IFI16: variants seen among roughly 807,000 people sequenced by gnomAD.
IFI16 encodes gamma-interferon-inducible protein 16.
In IFI16, 49 loss-of-function variants were observed where a neutral mutation model predicts 68.4. That is an observed-to-expected ratio of 0.72 (90% CI 0.57 to 0.91). The LOEUF (loss-of-function observed/expected upper bound fraction) is 0.91, where lower values mean the gene tolerates loss of function less well. Among genes scored for constraint, IFI16 ranks in the 40% least tolerant of loss-of-function variants. The probability of loss-of-function intolerance (pLI) is 0.00; values close to 1 mark genes in which losing one functional copy is unlikely to be tolerated. For synonymous variants in IFI16, 307 were observed against 315.0 expected (o/e 0.97, Z 0.27); for missense variants, 878 against 942.9 (o/e 0.93, Z 0.90).
At chr1:159,037,441 A>G (rs1407825335) in intron 7 of IFI16, among the ~76,000 whole-genome samples, 6 of 152,194 alleles carry the variant, frequency 3.9e-5, no homozygotes, top group Non-Finnish European at 7.3e-5. Context: ...TGTATATGAT[A>G]TGCGTTCATT....
upstream of IFI16, among the ~76,000 whole-genome samples, chr1:159,003,912 A>G (rs568487895): frequency 1.8e-3 from 276 of 152,202 alleles, 1 homozygote; most frequent in African/African-American, 6.3e-3. Context: ...CGCCCGCCTC[A>G]GCCTCCCAAA....
intron 3 of IFI16, 132 bp from the exon 4 acceptor site, chr1:159,016,401 G>A (rs776513299): frequency 8.0e-6 from 6 of 749,610 alleles, no homozygotes; most frequent in South Asian, 1.9e-5. Flanking sequence ...ACTGGCGAGA[G>A]ATGGGCAGCA....
At chr1:159,000,309 C>T (rs1652008886) in exon 1 of IFI16, 1 of 244,520 alleles carries the variant, frequency 4.1e-6, no homozygotes, top group African/African-American at 2.3e-5. Context: ...TATTTACTCT[C>T]CATCTCACGA....
chr1:159,049,321 A>G, intron 8 of IFI16, 111 bp from the exon 9 acceptor site: 1 of 606,896 alleles, frequency 1.6e-6, no homozygotes. Context: ...AAAACAGAGA[A>G]ACTGGCAAAG....
At chr1:159,029,107 G>T (rs1052027738) in intron 6 of IFI16, among the ~76,000 whole-genome samples, 3 of 152,094 alleles carry the variant, frequency 2.0e-5, no homozygotes, top group African/African-American at 7.2e-5. Flanking sequence ...TGCTTTAAAT[G>T]TTTTATGTTC....
chr1:159,003,282 C>T (rs986766317), upstream of IFI16, among the ~76,000 whole-genome samples: 30 of 152,100 alleles, frequency 2.0e-4, no homozygotes, highest in African/African-American at 7.2e-4. Flanking sequence ...AATGTTTCTG[C>T]TATTAGTTAT....
chr1:159,050,185 C>G (rs1316569204), intron 9 of IFI16, among the ~76,000 whole-genome samples: 1 of 152,158 alleles, frequency 6.6e-6, no homozygotes, highest in African/African-American at 2.4e-5. Context: ...AACTGCCATG[C>G]AATCATACAA....
intron 7 of IFI16, among the ~76,000 whole-genome samples, chr1:159,041,739 T>G (rs1182066707): frequency 6.6e-6 from 1 of 152,190 alleles, no homozygotes; most frequent in Non-Finnish European, 1.5e-5. Context: ...CCTGGTCCTG[T>G]GTAGGCTGAA....
upstream of IFI16, among the ~76,000 whole-genome samples, chr1:159,003,227 G>A (rs551908970): frequency 2.9e-4 from 44 of 152,290 alleles, no homozygotes; most frequent in African/African-American, 1.0e-3. Context: ...TTGAATTTGT[G>A]TGAACTTTCA....
Position 159,032,074 on chromosome 1 carries a change from G to A in IFI16, c.1162-450G>A, listed in dbSNP as rs1571865427. 6.6e-5 allele frequency among the ~76,000 whole-genome samples: 10 copies of A among 152,238 alleles called. No homozygotes were observed. The South Asian group carries it at 1.9e-3, about 28-fold the overall frequency. On this transcript the variant is annotated intron_variant, in intron 6 of 11. Transcript: ENST00000295809. ...CATTATGGGAAATCAATGTGCAATA[G>A]GTCCTATTGCTCTTAGCAAGATAAA...
In IFI16 at chr1:159,018,624, T is replaced by C. The variant is rs1653097324; in HGVS notation, c.945T>C (p.Ile315=). The C allele has an allele frequency of 6.2e-7, 1 of 1,612,568 alleles. No homozygotes were observed. The highest frequency in any genetic ancestry group is 8.5e-7 in the Non-Finnish European group (1 of 1,179,180). Residue 315 remains isoleucine, a synonymous_variant, in exon 5 of 12, where the codon ATT becomes ATC. Transcript: ENST00000295809. The part of the protein sequence containing the change: ...DILHKQASGN[I]VYGVFMLHKK... ...TTCACAAACAAGCTTCAGGAAATATTGTATATGGGGTATTTATGCTACATA... is the reference window on the plus strand; with the variant it reads ...TTCACAAACAAGCTTCAGGAAATATCGTATATGGGGTATTTATGCTACATA...
chr1:159,029,978 G>A (rs1467217982), intron 6 of IFI16, among the ~76,000 whole-genome samples: 1 of 132,672 alleles, frequency 7.5e-6, no homozygotes, highest in Non-Finnish European at 1.6e-5. Context: ...CACCATGCCC[G>A]GCAGCTTTGT....
upstream of IFI16, among the ~76,000 whole-genome samples, chr1:159,008,032 A>G (rs560751114): frequency 2.0e-5 from 3 of 152,366 alleles, no homozygotes; most frequent in African/African-American, 7.2e-5. Context: ...CAAATACTCT[A>G]AAGTGTGAAG....
intron 6 of IFI16, among the ~76,000 whole-genome samples, chr1:159,030,163 TGC>T (rs1653916340): frequency 7.4e-6 from 1 of 134,244 alleles, no homozygotes. Context: ...TTTTTTTTTA[TGC>T]TCTCTATTTT....
upstream of IFI16, among the ~76,000 whole-genome samples, chr1:159,005,104 G>T (rs12075461): frequency 0.031 from 4,747 of 152,212 alleles, 266 homozygotes; most frequent in African/African-American, 0.11. Context: ...GGGCATGTAG[G>T]GGGTGAATTC....
intron 6 of IFI16, among the ~76,000 whole-genome samples, chr1:159,027,719 A>G (rs1400167414): frequency 6.6e-6 from 1 of 151,928 alleles, no homozygotes; most frequent in African/African-American, 2.4e-5. Context: ...GCTTATTATC[A>G]CTCTGTTCAG....
rs1260608688 is a variant in IFI16, at chr1:159,047,058, A to T, written c.1497+1594A>T. ...CAGCGCTATGGGGCCTACACCCAAG[A>T]CGAATGGGCAGGGAAGGTATGGGCA... On this transcript the variant is annotated intron_variant, in intron 8 of 11. Coordinates refer to ENST00000295809, the MANE Select transcript of IFI16 (RefSeq NM_001376587.1). Among the ~76,000 whole-genome samples the T allele has an allele frequency of 7.3e-5, 11 of 151,038 alleles. 1 individual carries two copies. Among genetic ancestry groups the T allele is most frequent in the Non-Finnish European group, 1.3e-4 (9 of 67,528 alleles).
chr1:159,005,636 A>C (rs1364278556), upstream of IFI16, among the ~76,000 whole-genome samples: 1 of 152,210 alleles, frequency 6.6e-6, no homozygotes, highest in African/African-American at 2.4e-5. Flanking sequence ...CAAAATTTCA[A>C]GGAAGGACTG....
chr1:159,039,561 C>T (rs1035959246), intron 7 of IFI16, among the ~76,000 whole-genome samples: 12 of 152,094 alleles, frequency 7.9e-5, no homozygotes, highest in Admixed American at 6.6e-5. Context: ...CCAGACTGGT[C>T]TTGAACTCCT....
Sources: allele counts gnomAD v4.1 joint callset (sites outside exome capture counted in the v4.1 genomes callset), GRCh38; gene constraint gnomAD v4.1.1; transcripts MANE v1.5; gene names NCBI Gene and HGNC (gene_info 2026-07-23, HGNC 2026-07-21).